The following MIS18BP1 variants were observed in gnomAD, a reference collection of about 807,000 sequenced individuals.
MIS18BP1 encodes mis18-binding protein 1.
MIS18BP1 carries 72 observed loss-of-function variants against 116.1 expected under a neutral mutation model. The ratio of observed to expected loss-of-function variants is 0.62; its 90% CI spans 0.51 to 0.75. The LOEUF (loss-of-function observed/expected upper bound fraction) is 0.75. MIS18BP1 is among the 30% of genes least tolerant of loss of function. MIS18BP1 has a pLI of 0.00. For synonymous variants in MIS18BP1, 386 were observed against 427.0 expected (o/e 0.90, Z 1.18); for missense variants, 1,363 against 1,303.2 (o/e 1.05, Z -0.71).
chr14:45,210,336 A>C (rs754592249), intron 14 of MIS18BP1, 44 bp downstream of exon 14: 1 of 1,585,142 alleles, frequency 6.3e-7, no homozygotes, highest in Admixed American at 1.7e-5. Flanking sequence ...GTTCCTCACT[A>C]CTCTGATGCA....
Position 45,206,101 on chromosome 14 carries a change from G to A in MIS18BP1, c.3222C>T (p.Gly1074=). ...YHKSNGGIVW[G]NIKKKLVETD... ...TACTTACTAATTTTTTCTTGATGTT[G>A]CCCCAGACAATACCACCATTACTTT... Residue 1074 remains glycine, a synonymous_variant, in exon 15 of 17, where the codon GGC becomes GGT. Transcript: ENST00000310806. 3.1e-6 allele frequency: 5 copies of A among 1,603,470 alleles called. No individual in the cohort carries two copies. The highest frequency in any genetic ancestry group is 2.7e-5 in the African/African-American group (2 of 74,668).
intron 4 of MIS18BP1, among the ~76,000 whole-genome samples, chr14:45,238,907 C>T (rs1891498707): frequency 6.6e-6 from 1 of 152,084 alleles, no homozygotes; most frequent in African/African-American, 2.4e-5. Context: ...CTTACCCTCA[C>T]CCAAGACACA....
At chr14:45,212,792 G>A (rs991949694) in intron 13 of MIS18BP1, among the ~76,000 whole-genome samples, 7 of 152,164 alleles carry the variant, frequency 4.6e-5, no homozygotes, top group African/African-American at 1.7e-4. Context: ...GTGCTAGCAC[G>A]CCACTGGGCA....
intron 4 of MIS18BP1, 41 bp downstream of exon 4, chr14:45,241,993 G>A (rs1891588129): frequency 1.3e-6 from 2 of 1,540,282 alleles, no homozygotes; most frequent in African/African-American, 1.4e-5. Context: ...GAAGAACGGG[G>A]TAAAAATAGA....
intron 4 of MIS18BP1, among the ~76,000 whole-genome samples, chr14:45,240,521 T>C (rs1324252138): frequency 6.6e-6 from 1 of 152,036 alleles, no homozygotes; most frequent in South Asian, 2.1e-4. Flanking sequence ...ATCTCTATGC[T>C]GATAGCTCTC....
In MIS18BP1 at chr14:45,224,063, T is replaced by G. The variant is rs1204590523; in HGVS notation, c.2524A>C (p.Thr842Pro). Residue 842 changes from threonine to proline, a missense_variant, in exon 11 of 17, where the codon ACT becomes CCT. By Grantham distance (38) the Thr-to-Pro change is conservative (BLOSUM62 -1). Coordinates refer to ENST00000310806, the MANE Select transcript of MIS18BP1 (RefSeq NM_018353.5). ...QKKARPSVKE[T>P]LQKSGVRKEF... is the part of the protein sequence containing the mutation. ...TTCCTAACACCAGACTTCTGAAGAG[T>G]TTCTTTGACGGAAGGTCTAGCTTTC... 1 of 1,613,778 alleles carries G rather than the reference T, an allele frequency of 6.2e-7. No individual in the cohort carries two copies.
intron 11 of MIS18BP1, among the ~76,000 whole-genome samples, chr14:45,223,580 A>G (rs1201265128): frequency 6.6e-6 from 1 of 152,196 alleles, no homozygotes; most frequent in Non-Finnish European, 1.5e-5. Context: ...CGTCTCAATC[A>G]AAACAAAACA....
chr14:45,242,011 A>G, intron 4 of MIS18BP1, 23 bp downstream of exon 4: 1 of 1,563,884 alleles, frequency 6.4e-7, no homozygotes, highest in Non-Finnish European at 8.6e-7. Context: ...AGAAATAAAT[A>G]TCTGTCTTAA....
intron 4 of MIS18BP1, among the ~76,000 whole-genome samples, chr14:45,239,004 T>C (rs1478252922): frequency 6.6e-6 from 1 of 152,176 alleles, no homozygotes; most frequent in Non-Finnish European, 1.5e-5. Flanking sequence ...GAAGTAACAG[T>C]AAATAATACT....
At chr14:45,226,221 T>C (rs868092429) in intron 10 of MIS18BP1, among the ~76,000 whole-genome samples, 13 of 152,178 alleles carry the variant, frequency 8.5e-5, no homozygotes, top group African/African-American at 3.1e-4. Context: ...TGCTTTCCTA[T>C]CTTCTTCAAA....
At chr14:45,215,269 ATTG>A (rs1890784192) in intron 13 of MIS18BP1, among the ~76,000 whole-genome samples, 1 of 152,166 alleles carries the variant, frequency 6.6e-6, no homozygotes, top group South Asian at 2.1e-4. Context: ...TTTATAAAGC[ATTG>A]TGTAGCCTTT....
intron 14 of MIS18BP1, 148 bp downstream of exon 14, chr14:45,210,232 C>T (rs986127826): frequency 2.6e-6 from 2 of 755,638 alleles, no homozygotes; most frequent in African/African-American, 3.6e-5. Context: ...ATGAACTTGT[C>T]CATCCTTAAC....
At chr14:45,214,605 T>G (rs1356971555) in intron 13 of MIS18BP1, among the ~76,000 whole-genome samples, 1 of 152,212 alleles carries the variant, frequency 6.6e-6, no homozygotes, top group Non-Finnish European at 1.5e-5. Context: ...CTCTATACTT[T>G]GTCTCTGTGT....
At chr14:45,239,513 G>A (rs747924667) in intron 4 of MIS18BP1, among the ~76,000 whole-genome samples, 1 of 152,158 alleles carries the variant, frequency 6.6e-6, no homozygotes, top group Non-Finnish European at 1.5e-5. Context: ...AATTTGAAAG[G>A]AGTAAGTGAG....
In MIS18BP1 at chr14:45,242,367, T is replaced by C. The variant is rs1891603227; in HGVS notation, c.810A>G (p.Leu270=). ...TTKSKKDTFV[L]ESVDSADEQF... ...GTTCATCAGCAGAATCAACGCTTTCTAAAACAAACGTGTCCTTTTTGGATT... is the reference window on the plus strand; with the variant it reads ...GTTCATCAGCAGAATCAACGCTTTCCAAAACAAACGTGTCCTTTTTGGATT... The change falls in exon 4 of 17, where the codon TTA becomes TTG. Residue 270 remains leucine, a synonymous_variant. Transcript: ENST00000310806. The C allele has an allele frequency of 6.2e-7, 1 of 1,613,986 alleles. No individual in the cohort carries two copies. The highest frequency in any genetic ancestry group is 1.7e-5 in the Admixed American group (1 of 60,008).
At position 45,235,207 on chromosome 14, in the gene MIS18BP1, C is replaced by CAA. The variant is rs201225566; in HGVS notation, c.1348+605_1348+606dup. On this transcript the variant is annotated intron_variant, in intron 6 of 16. Coordinates refer to ENST00000310806, the MANE Select transcript of MIS18BP1 (RefSeq NM_018353.5). ...GGGCAACAGAGCAAGACTCCATCTC[C>CAA]AAAAAAAAAAAAAAACAACCCCAAG... is the stretch of plus-strand genomic sequence containing the variant. Among the ~76,000 whole-genome samples the CAA allele has an allele frequency of 3.0e-3, 289 of 95,706 alleles. 3 individuals are homozygous for CAA. Among genetic ancestry groups the CAA allele is most frequent in the African/African-American group, 9.9e-3 (275 of 27,778 alleles). The allele number at this position is 95,706 out of a possible 152,430, so 62.8% of individuals were successfully genotyped here.
At chr14:45,235,674 TTTATA>T in intron 6 of MIS18BP1, 135 bp downstream of exon 6, 1 of 619,388 alleles carries the variant, frequency 1.6e-6, no homozygotes, top group South Asian at 4.0e-5. Context: ...AATTACCAGT[TTTATA>T]TAATATCAGT....
At position 45,247,343 on chromosome 14, in the gene MIS18BP1, T is replaced by A. The variant is rs1891751886; in HGVS notation, c.-57A>T. The A allele has an allele frequency of 7.0e-7, 1 of 1,438,320 alleles. No homozygotes were observed. The highest frequency in any genetic ancestry group is 1.4e-5 in the African/African-American group (1 of 70,106). The allele number at this position is 1,438,320 out of a possible 1,614,324, so 89.1% of individuals were successfully genotyped here. Reference sequence around the variant, plus strand: ...AACAGAAAATTCACTTAAGCGCAATTTTCAGATAGAACTTCAGAAGGGATC... The same window carrying A: ...AACAGAAAATTCACTTAAGCGCAATATTCAGATAGAACTTCAGAAGGGATC... On this transcript the variant is annotated 5_prime_UTR_variant, in exon 2 of 17. Transcript: ENST00000310806.
At chr14:45,228,180 T>G (rs75403829) in intron 8 of MIS18BP1, among the ~76,000 whole-genome samples, 2 of 152,284 alleles carry the variant, frequency 1.3e-5, no homozygotes, top group African/African-American at 4.8e-5. Flanking sequence ...ATAATGATAA[T>G]CTGTCTAATC....
Sources: allele counts gnomAD v4.1 joint callset (sites outside exome capture counted in the v4.1 genomes callset), GRCh38; gene constraint gnomAD v4.1.1; transcripts MANE v1.5; gene names NCBI Gene and HGNC (gene_info 2026-07-23, HGNC 2026-07-21).